ZNF420: variants seen among roughly 807,000 people sequenced by gnomAD.
ZNF420 encodes the protein zinc finger protein 420.
A neutral mutation model predicts 44.7 loss-of-function variants in ZNF420; 31 were observed. The ratio of observed to expected loss-of-function variants is 0.69; its 90% CI spans 0.52 to 0.94. The LOEUF (loss-of-function observed/expected upper bound fraction) is 0.94, where lower values mean the gene tolerates loss of function less well. Among genes scored for constraint, ZNF420 ranks in the 40% least tolerant of loss-of-function variants. The probability of loss-of-function intolerance (pLI) is 0.00; values close to 1 mark genes in which losing one functional copy is unlikely to be tolerated. For synonymous variants in ZNF420, 245 were observed against 267.4 expected (o/e 0.92, Z 0.82); for missense variants, 681 against 827.9 (o/e 0.82, Z 2.18).
intron 4 of ZNF420, among the ~76,000 whole-genome samples, chr19:37,100,234 G>A (rs932423352): frequency 2.0e-5 from 3 of 152,006 alleles, no homozygotes; most frequent in African/African-American, 7.3e-5. Flanking sequence ...TGTGTTCTTG[G>A]CCTTCTTGTT....
In ZNF420 at chr19:37,089,246, A is replaced by G. The variant is rs1045526332; in HGVS notation, c.9+119A>G. 8 of 867,690 alleles carry G rather than the reference A, an allele frequency of 9.2e-6. No homozygotes were observed. In the African/African-American group the frequency reaches 1.3e-4, roughly 14 times the overall value. The allele number at this position is 867,690 out of a possible 1,614,324, so 53.7% of individuals were successfully genotyped here. A position where few individuals can be genotyped will look rare whatever the true frequency, so the allele number is the denominator to read the frequency against. ...GACCTCACTCAGGAATGTGCTCCTCAGTTTGTCCCATTCTGATAAGTGATA... is the reference window on the plus strand; with the variant it reads ...GACCTCACTCAGGAATGTGCTCCTCGGTTTGTCCCATTCTGATAAGTGATA... On this transcript the variant is annotated intron_variant, in intron 3 of 4. Coordinates refer to ENST00000337995, the MANE Select transcript of ZNF420 (RefSeq NM_144689.5).
intron 1 of ZNF420, among the ~76,000 whole-genome samples, chr19:37,025,770 CTTTTTTTT>C (rs67671586): frequency 7.7e-6 from 1 of 129,478 alleles, no homozygotes. Flanking sequence ...TTAAACCTGT[CTTTTTTTT>C]TTTTTTTTTT....
At chr19:37,112,981 G>A (rs551843002) in intron 4 of ZNF420, among the ~76,000 whole-genome samples, 4 of 152,246 alleles carry the variant, frequency 2.6e-5, no homozygotes, top group Non-Finnish European at 4.4e-5. Context: ...GCTTGTGGCC[G>A]GGGACAGTTG....
At chr19:37,060,136 C>T (rs1967849537) in intron 1 of ZNF420, among the ~76,000 whole-genome samples, 1 of 152,098 alleles carries the variant, frequency 6.6e-6, no homozygotes, top group Non-Finnish European at 1.5e-5. Flanking sequence ...GAAGTCTCAT[C>T]CCCATCCTGA....
chr19:37,034,996 C>T (rs181325146), intron 1 of ZNF420, among the ~76,000 whole-genome samples: 4 of 152,310 alleles, frequency 2.6e-5, no homozygotes, highest in Admixed American at 6.5e-5. Context: ...GGAAGACCCT[C>T]GCTTACCCTG....
At chr19:37,051,311 G>C (rs542207883) in intron 1 of ZNF420, among the ~76,000 whole-genome samples, 2 of 152,260 alleles carry the variant, frequency 1.3e-5, no homozygotes, top group African/African-American at 4.8e-5. Context: ...GCTCCTCCTT[G>C]TACCTCTGGT....
At chr19:37,011,620 G>C (rs2074569731) in intron 1 of ZNF420, among the ~76,000 whole-genome samples, 1 of 152,138 alleles carries the variant, frequency 6.6e-6, no homozygotes, top group Admixed American at 6.5e-5. Context: ...ATGTGGCTTG[G>C]ATTCACGCAC....
In ZNF420 at chr19:37,129,925, CAGA is replaced by C; in HGVS notation, c.*868_*870del. Reference sequence around the variant, plus strand: ...GAAGTAAACAAAATAACTGATATTACAGACTATTTTGCAATGAAAAATGATGAG... The same window carrying C: ...GAAGTAAACAAAATAACTGATATTACCTATTTTGCAATGAAAAATGATGAG... On this transcript the variant is annotated 3_prime_UTR_variant, in exon 5 of 5. Transcript: ENST00000337995. The C allele has an allele frequency of 7.5e-7, 1 of 1,336,336 alleles. No individual in the cohort carries two copies. Among genetic ancestry groups the C allele is most frequent in the Non-Finnish European group, 9.8e-7 (1 of 1,016,240 alleles). The allele number at this position is 1,336,336 out of a possible 1,614,324, so 82.8% of individuals were successfully genotyped here.
intron 4 of ZNF420, among the ~76,000 whole-genome samples, chr19:37,096,976 G>T (rs1229290244): frequency 6.7e-6 from 1 of 149,806 alleles, no homozygotes; most frequent in Non-Finnish European, 1.5e-5. Context: ...TCGGCTCACT[G>T]CAACCTCCGA....
intron 1 of ZNF420, among the ~76,000 whole-genome samples, chr19:37,045,184 A>G (rs1350337343): frequency 6.6e-6 from 1 of 152,152 alleles, no homozygotes; most frequent in Non-Finnish European, 1.5e-5. Flanking sequence ...TGCCTTTTCA[A>G]TGTCTTATTT....
chr19:37,030,901 GT>G (rs771162217), intron 1 of ZNF420, among the ~76,000 whole-genome samples: 2 of 152,060 alleles, frequency 1.3e-5, no homozygotes, highest in Admixed American at 1.3e-4. Flanking sequence ...CGTTGTTGTT[GT>G]TTTATTTTGC....
chr19:37,022,119 T>C (rs770112400), intron 1 of ZNF420, among the ~76,000 whole-genome samples: 31 of 151,692 alleles, frequency 2.0e-4, no homozygotes, highest in Non-Finnish European at 3.1e-4. Context: ...GATGGACTCA[T>C]GTATTTAGAT....
rs193256109 is a variant in ZNF420, at chr19:37,015,427, T to C, written c.-125+7345T>C. ...AGAACAGACGCCTCCTAGGGGCCCA[T>C]AGTCCTGTGGCACATCCAGGGCTGG... On this transcript the variant is annotated intron_variant, in intron 1 of 4. Coordinates refer to the ZNF420 transcript ENST00000587029. 2.4e-3 allele frequency among the ~76,000 whole-genome samples: 369 copies of C among 152,244 alleles called. 2 individuals carry two copies. Among genetic ancestry groups the C allele is most frequent in the African/African-American group, 8.4e-3 (347 of 41,552 alleles).
At chr19:37,020,830 C>A (rs142935761) in intron 1 of ZNF420, among the ~76,000 whole-genome samples, 155 of 152,190 alleles carry the variant, frequency 1.0e-3, no homozygotes, top group African/African-American at 3.5e-3. Flanking sequence ...GAGGTACTTA[C>A]AACAGTCAAC....
intron 4 of ZNF420, chr19:37,107,647 C>CG (rs1179297850): frequency 1.3e-5 from 2 of 152,414 alleles, no homozygotes; most frequent in East Asian, 3.9e-4. Context: ...CATCATGGCC[C>CG]GTTCTCGATG....
chr19:37,052,927 A>C (rs1026498430), intron 1 of ZNF420, among the ~76,000 whole-genome samples: 3 of 152,182 alleles, frequency 2.0e-5, no homozygotes, highest in Admixed American at 1.3e-4. Context: ...AGATTGGGGA[A>C]GTTCCCCTGG....
At chr19:37,027,986 T>C (rs530918883) in intron 1 of ZNF420, among the ~76,000 whole-genome samples, 7 of 152,334 alleles carry the variant, frequency 4.6e-5, no homozygotes, top group African/African-American at 1.4e-4. Context: ...ATGTTTAGTT[T>C]TGCAGGAATT....
At chr19:37,038,387 A>G (rs998444605) in intron 1 of ZNF420, among the ~76,000 whole-genome samples, 1 of 152,096 alleles carries the variant, frequency 6.6e-6, no homozygotes, top group Non-Finnish European at 1.5e-5. Context: ...TAAGATGACA[A>G]TGTAGTTTGC....
chr19:37,015,364 G>A (rs373898507), intron 1 of ZNF420, among the ~76,000 whole-genome samples: 184 of 152,226 alleles, frequency 1.2e-3, no homozygotes, highest in African/African-American at 4.3e-3. Flanking sequence ...ACCCCGGGGA[G>A]CCACTCTTCT....
Sources: allele counts gnomAD v4.1 joint callset (sites outside exome capture counted in the v4.1 genomes callset), GRCh38; gene constraint gnomAD v4.1.1; transcripts MANE v1.5; gene names NCBI Gene and HGNC (gene_info 2026-07-23, HGNC 2026-07-21).